Variants in IL10RA observed in about 807,000 individuals in gnomAD.
IL10RA encodes interleukin 10 receptor subunit alpha, also known as interleukin-10 receptor subunit alpha.
A neutral mutation model predicts 29.6 loss-of-function variants in IL10RA; 18 were observed. The observed-to-expected ratio is 0.61, with a 90% CI of 0.42 to 0.90. The LOEUF (loss-of-function observed/expected upper bound fraction) is 0.90. Among genes scored for constraint, IL10RA ranks in the 40% least tolerant of loss-of-function variants. IL10RA has a pLI of 0.00. For missense variants in IL10RA, 634 were observed against 716.6 expected (o/e 0.88, Z 1.32); for synonymous variants, 292 against 294.1 (o/e 0.99, Z 0.07).
At chr11:118,002,009 G>A (rs1379034472), downstream of IL10RA, 1 of 155,088 alleles carries the variant, frequency 6.4e-6, no homozygotes, top group Non-Finnish European at 1.4e-5. Flanking sequence ...TTTCCAGGAA[G>A]ACAGCAAACT....
chr11:117,995,854 C>A, intron 6 of IL10RA, 144 bp downstream of exon 6: 2 of 875,432 alleles, frequency 2.3e-6, no homozygotes, highest in Non-Finnish European at 3.7e-6. Flanking sequence ...GAGATACCTT[C>A]ATCAAGCGCT....
chr11:117,995,564 CA>C (rs2134991418), intron 5 of IL10RA, 24 bp from the exon 6 acceptor site: 1 of 1,613,752 alleles, frequency 6.2e-7, no homozygotes, highest in South Asian at 1.1e-5. Flanking sequence ...TGACAGGCCA[CA>C]AACACATCTC....
downstream of IL10RA, chr11:118,002,594 G>C (rs190097920): frequency 7.9e-5 from 12 of 152,394 alleles, no homozygotes; most frequent in Admixed American, 4.6e-4. Flanking sequence ...AGGAACTGCA[G>C]CCAGTTTGGT....
rs1221039204 is a variant in IL10RA, at chr11:117,989,044, A to C, written c.189-398A>C. 6.6e-6 allele frequency among the ~76,000 whole-genome samples: 1 copy of C among 152,234 alleles called. No homozygotes were observed. The highest frequency in any genetic ancestry group is 2.4e-5 in the African/African-American group (1 of 41,464). ...CCAAAGGGCTGGGATTACTGGCGTG[A>C]GCCACCACCTCCGGCCTCCAAGGCT... On this transcript the variant is annotated intron_variant, in intron 2 of 6. Coordinates refer to ENST00000227752, the MANE Select transcript of IL10RA (RefSeq NM_001558.4). The surrounding 1 kb of genome is among the most constrained non-coding windows in gnomAD (Gnocchi z 4.5).
intron 6 of IL10RA, among the ~76,000 whole-genome samples, chr11:117,996,253 G>A (rs982727495): frequency 3.9e-5 from 6 of 152,124 alleles, no homozygotes; most frequent in Non-Finnish European, 5.9e-5. Context: ...GACACTGGGG[G>A]GCGGTGGGGA....
Position 117,999,746 on chromosome 11 carries a change from T to A in IL10RA, c.*105T>A, listed in dbSNP as rs1294340922. ...GTTAGGCACGAGGCAGTCTGGGCAC[T>A]TTTCTGCAAGTCCACTGGGGCTGGC... On this transcript the variant is annotated 3_prime_UTR_variant, in exon 7 of 7. Coordinates refer to ENST00000227752, the MANE Select transcript of IL10RA (RefSeq NM_001558.4). 9.4e-7 allele frequency: 1 copy of A among 1,065,598 alleles called. No homozygotes were observed. The highest frequency in any genetic ancestry group is 1.9e-5 in the Admixed American group (1 of 53,614). 66.0% of individuals were successfully genotyped at this position (1,065,598 alleles called of 1,614,324 possible).
intron 3 of IL10RA, among the ~76,000 whole-genome samples, chr11:117,992,548 T>C (rs2058030273): frequency 6.6e-6 from 1 of 152,246 alleles, no homozygotes; most frequent in Non-Finnish European, 1.5e-5. Context: ...TTTATTTGTT[T>C]TCTTGTTATT....
intron 3 of IL10RA, chr11:117,992,994 T>C (rs574838830): frequency 2.3e-5 from 12 of 523,456 alleles, no homozygotes; most frequent in South Asian, 1.9e-4. Context: ...TGAAAATCAA[T>C]TGTGGGTTTA....
intron 6 of IL10RA, among the ~76,000 whole-genome samples, chr11:117,996,230 C>T (rs1334769615): frequency 6.6e-6 from 1 of 151,990 alleles, no homozygotes; most frequent in African/African-American, 2.4e-5. Flanking sequence ...CCAGAGTGGG[C>T]CAGAGGAGAG....
intron 6 of IL10RA, among the ~76,000 whole-genome samples, chr11:117,996,255 C>T (rs1476469180): frequency 6.8e-6 from 1 of 147,696 alleles, no homozygotes; most frequent in Non-Finnish European, 1.5e-5. Flanking sequence ...CACTGGGGGG[C>T]GGTGGGGATG....
intron 6 of IL10RA, among the ~76,000 whole-genome samples, chr11:117,996,973 C>G (rs968987914): frequency 1.3e-5 from 2 of 152,210 alleles, no homozygotes; most frequent in South Asian, 4.1e-4. Flanking sequence ...ATCTGATGAT[C>G]GTAGTCATTA....
Position 117,987,209 on chromosome 11 carries a change from T to A in IL10RA, c.67+675T>A, listed in dbSNP as rs2057992121. On this transcript the variant is annotated intron_variant, in intron 1 of 6. Coordinates refer to ENST00000227752, the MANE Select transcript of IL10RA (RefSeq NM_001558.4). ...GACAGAGAGCAAGGACCGAAACTGC[T>A]TCTTCATGACACCAAAATACAAAGT... is the stretch of plus-strand genomic sequence containing the variant. 3 of 258,280 alleles carry A rather than the reference T, an allele frequency of 1.2e-5. No homozygotes were observed. In the Admixed American group the frequency reaches 1.5e-4, roughly 13 times the overall value. 16.0% of individuals were successfully genotyped at this position (258,280 alleles called of 1,614,324 possible).
In IL10RA at chr11:117,988,453, C is replaced by G. The variant is rs2058001692; in HGVS notation, c.139C>G (p.Pro47Ala). 1.2e-6 allele frequency: 2 copies of G among 1,613,996 alleles called. No individual in the cohort carries two copies. The change falls in exon 2 of 7, where the codon CCC (proline) becomes GCC (alanine). Residue 47 changes from proline (P) to alanine (A), a missense_variant. Pro to Ala is a conservative substitution (Grantham distance 27, BLOSUM62 -1). Transcript: ENST00000227752. ...TTTCCACCACATCCTCCACTGGACA[C>G]CCATCCCAAATCAGTCTGAAAGTAC... The part of the protein sequence containing the change: ...EFFHHILHWT[P>A]IPNQSESTCY...
chr11:117,994,215 G>A (rs1452185218), intron 5 of IL10RA, 66 bp downstream of exon 5: 66 of 1,457,290 alleles, frequency 4.5e-5, no homozygotes, highest in South Asian at 3.4e-4. Context: ...AATCCAAAAC[G>A]CGTGCACCTG....
At chr11:117,996,472 C>T (rs4252279) in intron 6 of IL10RA, among the ~76,000 whole-genome samples, 15,775 of 152,300 alleles carry the variant, frequency 0.1, 871 homozygotes, top group Admixed American at 0.14. Context: ...GGAGTTCAGG[C>T]CGCATTGAAG....
chr11:117,999,802 T>C lies in IL10RA; in HGVS notation c.*161T>C, dbSNP rs1187851431. The C allele has an allele frequency of 1.4e-6, 1 of 725,682 alleles. No homozygotes were observed. The highest frequency in any genetic ancestry group is 2.4e-6 in the Non-Finnish European group (1 of 408,276). 45.0% of individuals were successfully genotyped at this position (725,682 alleles called of 1,614,324 possible). The stretch of plus-strand genomic sequence containing the variant: ...CCAGGCCCTGCAGGGCTGGTCAGGG[T>C]GTCTGGGGCAGGAGGAGGCCAACTC... On this transcript the variant is annotated 3_prime_UTR_variant, in exon 7 of 7. Transcript: ENST00000227752.
chr11:117,995,817 C>A, intron 6 of IL10RA, 107 bp downstream of exon 6: 2 of 1,208,632 alleles, frequency 1.7e-6, no homozygotes, highest in Non-Finnish European at 2.4e-6. Context: ...CTTAGCTTGC[C>A]TCTGCTCTCA....
chr11:117,998,647 C>T (rs917888760), intron 6 of IL10RA, 68 bp from the exon 7 acceptor site: 3 of 1,427,556 alleles, frequency 2.1e-6, no homozygotes, highest in Non-Finnish European at 3.0e-6. Context: ...CCTGGCCTTC[C>T]CCGGCAGCAC....
chr11:117,995,215 T>G (rs1187827360), intron 5 of IL10RA: 1 of 355,274 alleles, frequency 2.8e-6, no homozygotes, highest in Non-Finnish European at 5.5e-6. Context: ...GTAATTAATT[T>G]GTCCACAATT....
Sources: gnomAD v4.1 joint callset for allele counts (sites outside exome capture counted in the v4.1 genomes callset) on GRCh38, gnomAD v4.1.1 for gene constraint, Gnocchi (gnomAD v3.1) non-coding constraint, MANE v1.5 for transcripts, NCBI Gene and HGNC (gene_info 2026-07-23, HGNC 2026-07-21) for gene names.